The following ACAD10 variants were observed in gnomAD, a reference collection of about 807,000 sequenced individuals.
ACAD10 encodes ACAD-10.
A neutral mutation model predicts 116.8 loss-of-function variants in ACAD10; 112 were observed. That is an observed-to-expected ratio of 0.96 (90% CI 0.82 to 1.12). ACAD10 has a LOEUF of 1.12. Among genes scored for constraint, ACAD10 ranks in the 50% most tolerant of loss-of-function variants. The pLI is 0.00. For synonymous variants in ACAD10, 486 were observed against 510.6 expected (o/e 0.95, Z 0.65); for missense variants, 1,259 against 1,350.2 (o/e 0.93, Z 1.06).
At chr12:111,696,195 A>G (rs1162723082) in intron 2 of ACAD10, among the ~76,000 whole-genome samples, 1 of 151,762 alleles carries the variant, frequency 6.6e-6, no homozygotes, top group African/African-American at 2.4e-5. Flanking sequence ...AGTAGCTGGG[A>G]CTACAGGTGT....
intron 12 of ACAD10, among the ~76,000 whole-genome samples, chr12:111,737,848 G>A (rs1253472451): frequency 6.6e-6 from 1 of 151,854 alleles, no homozygotes; most frequent in East Asian, 1.9e-4. Flanking sequence ...CTTGGTGTGT[G>A]TGTGTGTGTG....
chr12:111,696,068 T>C (rs1888183013), intron 2 of ACAD10, among the ~76,000 whole-genome samples: 1 of 151,818 alleles, frequency 6.6e-6, no homozygotes, highest in African/African-American at 2.4e-5. Flanking sequence ...CTATACTATT[T>C]TTTTTTTTCT....
rs752886022 is a variant in ACAD10 at position 111,736,818 on chromosome 12, G to C, written c.1541-13G>C. On this transcript the variant is annotated splice_polypyrimidine_tract_variant and intron_variant, in intron 11 of 20. Coordinates refer to ENST00000313698, the MANE Select transcript of ACAD10 (RefSeq NM_025247.6). ...TCAGTGACTACCCATGAATGGCTCT[G>C]TCTTTCTCGCAGGTATTAATGACTG... 6.2e-7 allele frequency: 1 copy of C among 1,609,388 alleles called. No homozygotes were observed. The highest frequency in any genetic ancestry group is 2.2e-5 in the East Asian group (1 of 44,720).
At position 111,756,467 on chromosome 12, in the gene ACAD10, C is replaced by T; in HGVS notation, c.3174C>T (p.Arg1058=). ...TGGCCAAGCTAGAGCTGAAGCACCG[C>T]ATTTAGAGCCTTGGGGCTGCAGTGG... The part of the protein sequence containing the change: ...ATVAKLELKH[R]I The change falls in exon 21 of 21, where the codon CGC becomes CGT. Residue 1058 remains arginine (R), a synonymous_variant. Transcript: ENST00000313698. 1 of 1,612,308 alleles carries T rather than the reference C, an allele frequency of 6.2e-7. No individual in the cohort carries two copies. The highest frequency in any genetic ancestry group is 1.3e-5 in the African/African-American group (1 of 75,030).
At chr12:111,704,572 T>A (rs1238122081) in intron 3 of ACAD10, among the ~76,000 whole-genome samples, 1 of 152,222 alleles carries the variant, frequency 6.6e-6, no homozygotes, top group Non-Finnish European at 1.5e-5. Flanking sequence ...GAATTAGAGT[T>A]CAGTAAAGCT....
chr12:111,705,533 G>C (rs1888474965), intron 3 of ACAD10, among the ~76,000 whole-genome samples: 2 of 152,184 alleles, frequency 1.3e-5, no homozygotes. Flanking sequence ...TATAACTCTA[G>C]TCCTGGATAA....
intron 3 of ACAD10, among the ~76,000 whole-genome samples, chr12:111,705,014 A>G (rs1888458856): frequency 6.6e-6 from 1 of 151,952 alleles, no homozygotes; most frequent in Non-Finnish European, 1.5e-5. Flanking sequence ...ACCCACACAG[A>G]TTGAATTTAA....
chr12:111,711,460 C>G (rs958756143), intron 5 of ACAD10, among the ~76,000 whole-genome samples: 2 of 151,816 alleles, frequency 1.3e-5, no homozygotes, highest in African/African-American at 4.8e-5. Flanking sequence ...ACGCCTGCCT[C>G]GGCCTCCCAA....
At chr12:111,723,714 G>T (rs1889121918) in intron 8 of ACAD10, among the ~76,000 whole-genome samples, 1 of 151,388 alleles carries the variant, frequency 6.6e-6, no homozygotes. Context: ...CCCGGACGGG[G>T]TGGCTGCCCG....
At chr12:111,699,957 G>A (rs1307749891) in intron 2 of ACAD10, among the ~76,000 whole-genome samples, 1 of 151,848 alleles carries the variant, frequency 6.6e-6, no homozygotes, top group Non-Finnish European at 1.5e-5. Context: ...GGCTTTGTGA[G>A]CCATACTCTC....
chr12:111,697,584 CTTTTT>C (rs762619644), intron 2 of ACAD10, among the ~76,000 whole-genome samples: 3 of 120,550 alleles, frequency 2.5e-5, no homozygotes. Flanking sequence ...TGGTCTCTCT[CTTTTT>C]TTTTTTTTTT....
intron 4 of ACAD10, among the ~76,000 whole-genome samples, chr12:111,706,706 C>G (rs1888515853): frequency 6.6e-6 from 1 of 151,064 alleles, no homozygotes; most frequent in East Asian, 1.9e-4. Context: ...CCACCTCAGC[C>G]TCTCAAAGTG....
At chr12:111,723,055 C>T (rs1322763659) in intron 8 of ACAD10, among the ~76,000 whole-genome samples, 2 of 145,386 alleles carry the variant, frequency 1.4e-5, no homozygotes, top group Admixed American at 6.8e-5. Flanking sequence ...GGCGGCTGGC[C>T]GGGCAGAGGG....
chr12:111,719,052 C>T (rs566197657), intron 7 of ACAD10, among the ~76,000 whole-genome samples: 6 of 151,660 alleles, frequency 4.0e-5, no homozygotes, highest in Middle Eastern at 3.4e-3. Flanking sequence ...TTGCAGTGAG[C>T]GGAGATTGCA....
chr12:111,703,361 A>C (rs774866992), intron 3 of ACAD10, among the ~76,000 whole-genome samples: 4 of 152,200 alleles, frequency 2.6e-5, no homozygotes, highest in Non-Finnish European at 5.9e-5. Context: ...TTTTTAAAGC[A>C]ATAATAATAT....
intron 6 of ACAD10, among the ~76,000 whole-genome samples, chr12:111,713,635 A>AC (rs1405234280): frequency 6.6e-6 from 1 of 150,402 alleles, no homozygotes; most frequent in East Asian, 1.9e-4. Flanking sequence ...AAAAAAAAAA[A>AC]GGAAAAGAAA....
At chr12:111,711,940 A>G (rs1463627809) in intron 5 of ACAD10, among the ~76,000 whole-genome samples, 1 of 152,256 alleles carries the variant, frequency 6.6e-6, no homozygotes, top group African/African-American at 2.4e-5. Context: ...GTATTGGGTC[A>G]TAGCTTGTTC....
At chr12:111,748,217 T>TG in intron 16 of ACAD10, 100 bp from the exon 17 acceptor site, 1 of 1,452,906 alleles carries the variant, frequency 6.9e-7, no homozygotes, top group Non-Finnish European at 9.5e-7. Flanking sequence ...GAGCTCTGTC[T>TG]GCTTCCTTAC....
chr12:111,692,673 G>A (rs1466189249), intron 1 of ACAD10, 24 bp from the exon 2 acceptor site: 6 of 1,598,174 alleles, frequency 3.8e-6, no homozygotes, highest in South Asian at 2.3e-5. Flanking sequence ...GGCAAGTAAC[G>A]CCCTGTGCCT....
Sources: allele counts gnomAD v4.1 joint callset (sites outside exome capture counted in the v4.1 genomes callset), GRCh38; gene constraint gnomAD v4.1.1; transcripts MANE v1.5; gene names NCBI Gene and HGNC (gene_info 2026-07-23, HGNC 2026-07-21).